SYNPO2: variants seen among roughly 807,000 people sequenced by gnomAD.
SYNPO2 encodes the protein synaptopodin-2.
In SYNPO2, 56 loss-of-function variants were observed where a neutral mutation model predicts 85.0. That is an observed-to-expected ratio of 0.66 (90% confidence interval 0.53 to 0.82). SYNPO2 has a LOEUF of 0.82. Among genes scored for constraint, SYNPO2 ranks in the 40% least tolerant of loss-of-function variants. The pLI is 0.00. For missense variants in SYNPO2, 1,575 were observed against 1,534.2 expected (o/e 1.03, Z -0.44); for synonymous variants, 602 against 591.1 (o/e 1.02, Z -0.27).
chr4:118,916,362 G>A (rs1328235066), intron 1 of SYNPO2, among the ~76,000 whole-genome samples: 1 of 151,702 alleles, frequency 6.6e-6, no homozygotes, highest in Non-Finnish European at 1.5e-5. Flanking sequence ...TTGTAGAAAT[G>A]GGGTTTCACC....
At position 119,030,689 on chromosome 4, in the gene SYNPO2, T is replaced by G. The variant is rs1183435056; in HGVS notation, c.1914T>G (p.Ser638Arg). Residue 638 changes from serine (S) to arginine (R), a missense_variant, in exon 4 of 5, where the codon AGT becomes AGG. Physicochemically the swap from Ser to Arg is moderately radical, Grantham distance 110. This residue lies in a region of SYNPO2 where 1,508 missense variants were observed against 1,446.8 expected (regional missense o/e 1.04). Coordinates refer to ENST00000307142, the MANE Select transcript of SYNPO2 (RefSeq NM_133477.3). ...ACGCCTTCTCCAGAGGGGTTTCAAG[T>G]CCGATTGCTGGCCCAGCACAGCCCC... is the stretch of plus-strand genomic sequence containing the variant. ...PPDAFSRGVSSPIAGPAQPPP... is the reference protein window; with the variant it reads ...PPDAFSRGVSRPIAGPAQPPP... The G allele has an allele frequency of 6.2e-7, 1 of 1,614,038 alleles. No individual in the cohort carries two copies. Among genetic ancestry groups the G allele is most frequent in the East Asian group, 2.2e-5 (1 of 44,868 alleles).
intron 4 of SYNPO2, among the ~76,000 whole-genome samples, chr4:119,057,013 G>A (rs555339979): frequency 1.3e-5 from 2 of 152,332 alleles, no homozygotes; most frequent in South Asian, 2.1e-4. Context: ...AGGTTGGGAT[G>A]TGAATTCACA....
rs1318271838 is a variant in SYNPO2 at position 119,030,012 on chromosome 4, G to A, written c.1237G>A (p.Gly413Ser). ...CAGGAAATACACCCTAGTTAGCTAC[G>A]GTACTGGCGAGCTTGAGCGAGAGGC... is the stretch of plus-strand genomic sequence containing the variant. ...RARKYTLVSYGTGELEREADE... is the reference protein window; with the variant it reads ...RARKYTLVSYSTGELEREADE... The change falls in exon 4 of 5, where the codon GGT becomes AGT. Residue 413 changes from glycine to serine, a missense_variant. Physicochemically the swap from Gly to Ser is moderately conservative, Grantham distance 56 (BLOSUM62 0). Around this residue, in one of 3 missense-constraint regions of SYNPO2, gnomAD observed 1,508 missense variants for 1,446.8 expected, o/e 1.04. Coordinates refer to ENST00000307142, the MANE Select transcript of SYNPO2 (RefSeq NM_133477.3). 7 of 1,613,930 alleles carry A rather than the reference G, an allele frequency of 4.3e-6. No homozygotes were observed. Among genetic ancestry groups the A allele is most frequent in the African/African-American group, 4.0e-5 (3 of 74,868 alleles).
At chr4:118,900,761 ATCTATCT>A (rs1486253355) in intron 1 of SYNPO2, among the ~76,000 whole-genome samples, 3 of 137,094 alleles carry the variant, frequency 2.2e-5, no homozygotes, top group African/African-American at 8.4e-5. Flanking sequence ...CTATCTATCT[ATCTATCT>A]ATCTATCTAT....
chr4:118,966,557 G>T (rs1402503945), intron 1 of SYNPO2, among the ~76,000 whole-genome samples: 1 of 152,184 alleles, frequency 6.6e-6, no homozygotes, highest in Non-Finnish European at 1.5e-5. Flanking sequence ...CTAAATTGCT[G>T]TGGGATTTAG....
intron 1 of SYNPO2, among the ~76,000 whole-genome samples, chr4:118,900,741 GTC>G (rs371824212): frequency 1.2e-5 from 1 of 86,256 alleles, no homozygotes; most frequent in African/African-American, 4.1e-5. Flanking sequence ...ATGTCTGTCT[GTC>G]TATCTATCTA....
At chr4:119,007,486 T>A (rs1337862583) in intron 1 of SYNPO2, among the ~76,000 whole-genome samples, 1 of 151,564 alleles carries the variant, frequency 6.6e-6, no homozygotes, top group Non-Finnish European at 1.5e-5. Flanking sequence ...CATAAAGTAC[T>A]TACTTAGATT....
rs547638382 is a variant in SYNPO2 at position 118,856,750 on chromosome 4, G to T, written c.12+5810G>T. Among the ~76,000 whole-genome samples the T allele has an allele frequency of 2.0e-4, 30 of 152,140 alleles. No individual in the cohort carries two copies. The East Asian group carries it at 5.6e-3, about 28-fold the overall frequency. On this transcript the variant is annotated intron_variant, in intron 1 of 4. Transcript: ENST00000610556. ...TGGTCCCGAACTCCTGGGCTCAAGCGATCTGCTTGCCTTGGTGTCCCAAAG... is the reference window on the plus strand; with the variant it reads ...TGGTCCCGAACTCCTGGGCTCAAGCTATCTGCTTGCCTTGGTGTCCCAAAG...
At chr4:119,054,358 G>T (rs1403755858) in intron 4 of SYNPO2, among the ~76,000 whole-genome samples, 1 of 152,190 alleles carries the variant, frequency 6.6e-6, no homozygotes, top group Admixed American at 6.5e-5. Context: ...AAGGGCCGGT[G>T]TGATGGCCTT....
At chr4:118,863,168 C>T (rs1390450915) in intron 1 of SYNPO2, among the ~76,000 whole-genome samples, 1 of 152,120 alleles carries the variant, frequency 6.6e-6, no homozygotes. Context: ...GCAATACTGG[C>T]CTCATAGATT....
intron 1 of SYNPO2, among the ~76,000 whole-genome samples, chr4:119,003,584 T>G (rs1273152290): frequency 6.6e-6 from 1 of 152,222 alleles, no homozygotes; most frequent in Non-Finnish European, 1.5e-5. Context: ...TTTTGTATCA[T>G]CCTGTTTCTG....
rs913068899 is a variant in SYNPO2 at position 119,017,804 on chromosome 4, T to C, written c.106-5626T>C. On this transcript the variant is annotated intron_variant, in intron 1 of 4. Coordinates refer to ENST00000307142, the MANE Select transcript of SYNPO2 (RefSeq NM_133477.3). ...ACAGTACTTGTCAATGAATTATACA[T>C]GAAAATGCAGCTCCTGAGACAAAAT... Among the ~76,000 whole-genome samples the C allele has an allele frequency of 2.0e-5, 3 of 152,298 alleles. No individual in the cohort carries two copies. The East Asian group carries it at 5.8e-4, about 29-fold the overall frequency.
intron 1 of SYNPO2, among the ~76,000 whole-genome samples, chr4:118,900,838 T>C (rs1560841717): frequency 6.6e-6 from 1 of 151,076 alleles, no homozygotes; most frequent in Non-Finnish European, 1.5e-5. Context: ...TGATTATCAA[T>C]GTACACAGTT....
chr4:119,037,073 C>T, intron 4 of SYNPO2: 1 of 1,519,278 alleles, frequency 6.6e-7, no homozygotes. Flanking sequence ...TTATGTCATT[C>T]TTGACATGTT....
At position 119,029,936 on chromosome 4, in the gene SYNPO2, C is replaced by G; in HGVS notation, c.1161C>G (p.Pro387=). 2 of 1,613,940 alleles carry G rather than the reference C, an allele frequency of 1.2e-6. No individual in the cohort carries two copies. The highest frequency in any genetic ancestry group is 1.7e-6 in the Non-Finnish European group (2 of 1,179,960). The change falls in exon 4 of 5, where the codon CCC becomes CCG. Residue 387 remains proline (P), a synonymous_variant. Coordinates refer to ENST00000307142, the MANE Select transcript of SYNPO2 (RefSeq NM_133477.3). ...KSIALLLTDA[P]NPNSKGVLMF... is the part of the protein sequence containing the mutation. ...TTGCCCTTCTTCTAACGGATGCTCC[C>G]AACCCCAACTCCAAGGGGGTGTTGA...
At chr4:118,872,855 A>G (rs933907919) in intron 1 of SYNPO2, among the ~76,000 whole-genome samples, 2 of 149,196 alleles carry the variant, frequency 1.3e-5, no homozygotes, top group Non-Finnish European at 3.0e-5. Context: ...TCCATTATCT[A>G]TCATTCCACA....
At chr4:118,936,946 T>G (rs568252964) in intron 1 of SYNPO2, among the ~76,000 whole-genome samples, 1 of 152,016 alleles carries the variant, frequency 6.6e-6, no homozygotes, top group Non-Finnish European at 1.5e-5. Flanking sequence ...CAAATCTACT[T>G]CCACAATACA....
chr4:118,959,587 T>C (rs1448061911), intron 1 of SYNPO2, among the ~76,000 whole-genome samples: 1 of 152,228 alleles, frequency 6.6e-6, no homozygotes, highest in Non-Finnish European at 1.5e-5. Flanking sequence ...AGTATTTGTG[T>C]ACTTTCTCTG....
intron 1 of SYNPO2, among the ~76,000 whole-genome samples, chr4:118,896,311 G>A (rs1260662336): frequency 1.3e-5 from 2 of 152,142 alleles, no homozygotes; most frequent in Admixed American, 6.5e-5. Context: ...AAGATAATGT[G>A]CAATGGGAGA....
Sources: gnomAD v4.1 joint callset for allele counts (sites outside exome capture counted in the v4.1 genomes callset) on GRCh38, gnomAD v4.1.1 for gene constraint, gnomAD v4.1.1 regional missense constraint, MANE v1.5 for transcripts, NCBI Gene and HGNC (gene_info 2026-07-23, HGNC 2026-07-21) for gene names.